Variants in BACE1 observed in about 807,000 individuals in gnomAD.
The protein encoded by BACE1 is APP beta-secretase.
BACE1 carries 21 observed loss-of-function variants against 54.0 expected under a neutral mutation model. The observed-to-expected ratio is 0.39, with a 90% CI of 0.28 to 0.56. The LOEUF (loss-of-function observed/expected upper bound fraction) is 0.56. Ranked by LOEUF, BACE1 falls within the 20% of genes least tolerant of loss-of-function variation. The pLI is 0.63. For synonymous variants in BACE1, 232 were observed against 260.9 expected (o/e 0.89, Z 1.07); for missense variants, 511 against 661.2 (o/e 0.77, Z 2.49).
intron 1 of BACE1, among the ~76,000 whole-genome samples, chr11:117,309,809 T>C (rs552733512): frequency 3.9e-5 from 6 of 152,378 alleles, no homozygotes; most frequent in Admixed American, 3.9e-4. Context: ...TCTGTTAAAC[T>C]GAATTGACTA....
rs143346476 is a variant in BACE1 at position 117,316,036 on chromosome 11, C to T, written c.-241G>A. On this transcript the variant is annotated 5_prime_UTR_variant, in exon 1 of 9. Coordinates refer to ENST00000313005, the MANE Select transcript of BACE1 (RefSeq NM_012104.6). Reference sequence around the variant, plus strand: ...TGGGATCCGGAGCCCGCTACATCGGCACGGCGGCGGCCAGCCTGGGCAGCG... The same window carrying T: ...TGGGATCCGGAGCCCGCTACATCGGTACGGCGGCGGCCAGCCTGGGCAGCG... 8.0e-3 allele frequency: 3,269 copies of T among 407,800 alleles called. 25 individuals are homozygous for T. The highest frequency in any genetic ancestry group is 0.012 in the African/African-American group (564 of 48,722). The allele number at this position is 407,800 out of a possible 1,614,324, so 25.3% of individuals were successfully genotyped here.
Position 117,288,335 on chromosome 11 carries a change from TAGAG to T in BACE1, c.*1227_*1230del, listed in dbSNP as rs930996292. 6.6e-6 allele frequency: 1 copy of T among 152,430 alleles called. No individual in the cohort carries two copies. Among genetic ancestry groups the T allele is most frequent in the Non-Finnish European group, 1.5e-5 (1 of 68,058 alleles). The allele number at this position is 152,430 out of a possible 1,614,324, so 9.4% of individuals were successfully genotyped here. A position where few individuals can be genotyped will look rare whatever the true frequency, so the allele number is the denominator to read the frequency against. ...TTAGTCAAATAAATGGAGGGGCCAT[TAGAG>T]AGGGTAGGAAGGCAATGAAACCACT... is the stretch of plus-strand genomic sequence containing the variant. On this transcript the variant is annotated 3_prime_UTR_variant, in exon 9 of 9. Transcript: ENST00000313005.
Position 117,295,144 on chromosome 11 carries a change from G to A in BACE1, c.554C>T (p.Ala185Val), listed in dbSNP as rs2034565313. 3 of 1,614,022 alleles carry A rather than the reference G, an allele frequency of 1.9e-6. No homozygotes were observed. The highest frequency in any genetic ancestry group is 2.5e-6 in the Non-Finnish European group (3 of 1,180,010). The change falls in exon 3 of 9, where the codon GCT (alanine) becomes GTT (valine). Residue 185 changes from alanine (A) to valine (V), a missense_variant. Physicochemically the swap from Ala to Val is moderately conservative, Grantham distance 64 (BLOSUM62 0). This residue lies in a region of BACE1 where 407 missense variants were observed against 565.7 expected (regional missense o/e 0.72). Transcript: ENST00000313005. Reference protein sequence around the residue: ...NWEGILGLAYAEIARPDDSLE... With the variant: ...NWEGILGLAYVEIARPDDSLE... ...TGTTCCTCTCACCCTGGCAATCTCA[G>A]CATAGGCCAGCCCCAGGATGCCTTC... is the stretch of plus-strand genomic sequence containing the variant.
At chr11:117,295,011 A>G in intron 3 of BACE1, 120 bp downstream of exon 3, 1 of 1,060,270 alleles carries the variant, frequency 9.4e-7, no homozygotes, top group Non-Finnish European at 1.4e-6. Context: ...TACCCCTGTT[A>G]AATAATCCTT....
intron 1 of BACE1, among the ~76,000 whole-genome samples, chr11:117,314,961 G>C (rs1328342770): frequency 3.9e-5 from 6 of 152,098 alleles, no homozygotes; most frequent in Non-Finnish European, 5.9e-5. Context: ...AGGAGGGGAC[G>C]GCAGGAGCCT....
intron 1 of BACE1, among the ~76,000 whole-genome samples, chr11:117,308,633 A>T (rs2034882501): frequency 6.6e-6 from 1 of 152,160 alleles, no homozygotes; most frequent in South Asian, 2.1e-4. Flanking sequence ...GCAGAATAAT[A>T]AACATAAACT....
chr11:117,315,640 C>T lies in BACE1; in HGVS notation c.156G>A (p.Glu52=). 6.3e-7 allele frequency: 1 copy of T among 1,582,608 alleles called. No individual in the cohort carries two copies. ...RLPRETDEEP[E]EPGRRGSFVE... is the part of the protein sequence containing the mutation. ...CAAAGCTGCCCCTCCGGCCGGGCTC[C>T]TCGGGCTCTTCGTCGGTCTCCCGGG... is the stretch of plus-strand genomic sequence containing the variant. The change falls in exon 1 of 9, where the codon GAG becomes GAA. Residue 52 remains glutamate (E), a synonymous_variant. Coordinates refer to ENST00000313005, the MANE Select transcript of BACE1 (RefSeq NM_012104.6). The surrounding 1 kb of genome is among the most constrained non-coding windows in gnomAD (Gnocchi z 5.5).
intron 1 of BACE1, among the ~76,000 whole-genome samples, chr11:117,300,039 C>G (rs978009429): frequency 1.3e-5 from 2 of 152,126 alleles, no homozygotes; most frequent in African/African-American, 4.8e-5. Flanking sequence ...CCCTGCCTCC[C>G]CCTTCCTCTC....
At position 117,290,438 on chromosome 11, in the gene BACE1, A is replaced by T. The variant is rs2134443389; in HGVS notation, c.1264+50T>A. 6 of 1,589,270 alleles carry T rather than the reference A, an allele frequency of 3.8e-6. No homozygotes were observed. In the Admixed American group the frequency reaches 1.1e-4, roughly 28 times the overall value. ...CAGGTATACTAACTGTTGTTTGACA[A>T]GGAAAATATGGAGAGACTGACCCCA... On this transcript the variant is annotated intron_variant, in intron 8 of 8. Transcript: ENST00000313005.
chr11:117,315,185 TG>T lies in BACE1; in HGVS notation c.261+349del, dbSNP rs1480680521. Reference sequence around the variant, plus strand: ...GTGGTGGGATTTGGGAGACTCGGACTGGGCCACTGTCAGAGGGGGCTGACAC... The same window carrying T: ...GTGGTGGGATTTGGGAGACTCGGACTGGCCACTGTCAGAGGGGGCTGACAC... On this transcript the variant is annotated intron_variant, in intron 1 of 8. Coordinates refer to ENST00000313005, the MANE Select transcript of BACE1 (RefSeq NM_012104.6). This position sits in a 1 kb window ranked among gnomAD's most constrained non-coding sequence, Gnocchi z 5.5. Among the ~76,000 whole-genome samples the T allele has an allele frequency of 1.3e-5, 2 of 152,196 alleles. No individual in the cohort carries two copies. Among genetic ancestry groups the T allele is most frequent in the African/African-American group, 4.8e-5 (2 of 41,454 alleles).
Position 117,315,436 on chromosome 11 carries a change from C to T in BACE1, c.261+99G>A. ...GGGGAGGGGTCCCTCCTGCTGTCCC[C>T]ACCAGCCCATTTGAGCAGGGGCTAG... On this transcript the variant is annotated intron_variant, in intron 1 of 8. Coordinates refer to ENST00000313005, the MANE Select transcript of BACE1 (RefSeq NM_012104.6). The surrounding 1 kb of genome is among the most constrained non-coding windows in gnomAD (Gnocchi z 5.5). The T allele has an allele frequency of 6.8e-7, 1 of 1,472,316 alleles. No homozygotes were observed. 91.2% of individuals were successfully genotyped at this position (1,472,316 alleles called of 1,614,324 possible).
chr11:117,295,621 G>C (rs2034579782), intron 2 of BACE1: 1 of 1,534,248 alleles, frequency 6.5e-7, no homozygotes, highest in Non-Finnish European at 8.7e-7. Flanking sequence ...GAACAAGCCT[G>C]GGCTTTGTGC....
chr11:117,303,510 G>A (rs2034768731), intron 1 of BACE1, among the ~76,000 whole-genome samples: 2 of 152,198 alleles, frequency 1.3e-5, no homozygotes, highest in African/African-American at 2.4e-5. Flanking sequence ...TAAGCTCTTT[G>A]TTCCCCAAAT....
intron 1 of BACE1, among the ~76,000 whole-genome samples, chr11:117,306,458 A>G (rs979193041): frequency 6.6e-6 from 1 of 152,086 alleles, no homozygotes; most frequent in African/African-American, 2.4e-5. Context: ...CCATTGGGAG[A>G]TGCTAGAACT....
intron 3 of BACE1, among the ~76,000 whole-genome samples, chr11:117,294,620 A>C (rs2034548434): frequency 1.3e-5 from 2 of 151,700 alleles, no homozygotes; most frequent in African/African-American, 4.8e-5. Context: ...GCGGTGGTTC[A>C]TGCCTGTAAT....
intron 1 of BACE1, among the ~76,000 whole-genome samples, chr11:117,300,333 C>CA (rs2034695890): frequency 6.6e-6 from 1 of 152,222 alleles, no homozygotes; most frequent in Non-Finnish European, 1.5e-5. Context: ...AATGTCGACC[C>CA]GTCTGCCCTC....
chr11:117,313,699 A>G (rs998210550), intron 1 of BACE1, among the ~76,000 whole-genome samples: 2 of 152,146 alleles, frequency 1.3e-5, no homozygotes, highest in Non-Finnish European at 2.9e-5. Context: ...TGGCCCCCCA[A>G]AGTGCTGGGA....
chr11:117,316,249 A>G lies in BACE1; in HGVS notation c.-454T>C. 1 of 439,546 alleles carries G rather than the reference A, an allele frequency of 2.3e-6. No individual in the cohort carries two copies. Among genetic ancestry groups the G allele is most frequent in the Non-Finnish European group, 4.1e-6 (1 of 245,750 alleles). 27.2% of individuals were successfully genotyped at this position (439,546 alleles called of 1,614,324 possible). On this transcript the variant is annotated 5_prime_UTR_variant, in exon 1 of 9. Transcript: ENST00000313005. ...TCCCGGGCGGGCTGGGGAGGCGGAA[A>G]GACTTGTGGCGGCGGCTGTCAAAGC...
rs1318029892 is a variant in BACE1, at chr11:117,315,632, C to CCGGGCTCCT, written c.155_163dup (p.Glu52_Pro54dup). 8 of 1,584,424 alleles carry CCGGGCTCCT rather than the reference C, an allele frequency of 5.0e-6. No homozygotes were observed. In the South Asian group the frequency reaches 9.1e-5, roughly 18 times the overall value. On this transcript the variant is annotated inframe_insertion, in exon 1 of 9. Transcript: ENST00000313005. This position sits in a 1 kb window ranked among gnomAD's most constrained non-coding sequence, Gnocchi z 5.5. ...CATCTCCACAAAGCTGCCCCTCCGG[C>CCGGGCTCCT]CGGGCTCCTCGGGCTCTTCGTCGGT...
Sources: gnomAD v4.1 joint callset for allele counts (sites outside exome capture counted in the v4.1 genomes callset) on GRCh38, gnomAD v4.1.1 for gene constraint, gnomAD v4.1.1 regional missense constraint, Gnocchi (gnomAD v3.1) non-coding constraint, MANE v1.5 for transcripts, NCBI Gene and HGNC (gene_info 2026-07-23, HGNC 2026-07-21) for gene names.